Variants in HIVEP2 observed in about 807,000 individuals in gnomAD.
HIVEP2 encodes transcription factor HIVEP2.
HIVEP2 carries 14 observed loss-of-function variants against 180.7 expected under a neutral mutation model. The observed-to-expected ratio is 0.08, with a 90% CI of 0.05 to 0.12. The LOEUF (loss-of-function observed/expected upper bound fraction) is 0.12. Ranked by LOEUF, HIVEP2 falls within the 10% of genes least tolerant of loss-of-function variation. The pLI is 1.00. For synonymous variants in HIVEP2, 1,184 were observed against 1,136.4 expected (o/e 1.04, Z -0.84); for missense variants, 2,579 against 3,008.5 (o/e 0.86, Z 3.34).
In HIVEP2 at chr6:142,933,046, T is replaced by C. The variant is rs1473660442; in HGVS notation, c.-641+12053A>G. Among the ~76,000 whole-genome samples the C allele has an allele frequency of 2.0e-5, 3 of 152,114 alleles. No individual in the cohort carries two copies. The East Asian group carries it at 5.8e-4, about 29-fold the overall frequency. ...ATTGTATCACAATGAAAGGAAGAAG[T>C]AAAATTTCTCACAAAAAGCTCAACT... On this transcript the variant is annotated intron_variant, in intron 1 of 9. Transcript: ENST00000367603.
chr6:142,818,765 G>T (rs1475512231), intron 2 of HIVEP2, among the ~76,000 whole-genome samples: 1 of 119,372 alleles, frequency 8.4e-6, no homozygotes, highest in Non-Finnish European at 1.8e-5. Context: ...AAGAAAGAAA[G>T]AAAGAAAGAA....
intron 1 of HIVEP2, among the ~76,000 whole-genome samples, chr6:142,866,563 C>G (rs1056237308): frequency 6.6e-6 from 1 of 152,074 alleles, no homozygotes; most frequent in Non-Finnish European, 1.5e-5. Context: ...TGTCAAAGTG[C>G]CTACCTTTAA....
intron 1 of HIVEP2, among the ~76,000 whole-genome samples, chr6:142,865,312 T>A (rs1027044702): frequency 3.9e-5 from 6 of 152,110 alleles, no homozygotes; most frequent in Non-Finnish European, 7.3e-5. Flanking sequence ...TGCACATTAA[T>A]GCTGTCAGGA....
chr6:142,774,416 C>T lies in HIVEP2; in HGVS notation c.323G>A (p.Gly108Glu), dbSNP rs1057079776. ...LSFPQHSLPQ[G>E]VMHSTKPHQS... ...ATGTGGCTTGGTGCTGTGCATGACC[C>T]CCTGTGGCAATGAGTGCTGAGGGAA... The change falls in exon 5 of 10, where the codon GGG becomes GAG. Residue 108 changes from glycine (G) to glutamate (E), a missense_variant. Physicochemically the swap from Gly to Glu is moderately conservative, Grantham distance 98. Coordinates refer to ENST00000367603, the MANE Select transcript of HIVEP2 (RefSeq NM_006734.4). This position sits in a 1 kb window ranked among gnomAD's most constrained non-coding sequence, Gnocchi z 5.1. 1.2e-6 allele frequency: 2 copies of T among 1,614,166 alleles called. No individual in the cohort carries two copies. Among genetic ancestry groups the T allele is most frequent in the Non-Finnish European group, 8.5e-7 (1 of 1,180,032 alleles).
rs190814195 is a variant in HIVEP2 at position 142,883,610 on chromosome 6, C to T, written c.-640-46563G>A. 5.9e-5 allele frequency among the ~76,000 whole-genome samples: 9 copies of T among 152,186 alleles called. 1 individual carries two copies. The highest frequency in any genetic ancestry group is 5.8e-4 in the East Asian group (3 of 5,170). On this transcript the variant is annotated intron_variant, in intron 1 of 9. Coordinates refer to ENST00000367603, the MANE Select transcript of HIVEP2 (RefSeq NM_006734.4). ...TAGCTTCTAATAACATCCCTTACAA[C>T]GTAGGGCAAAGAACAGTAGCATCTG...
chr6:142,855,866 G>A (rs1775805250), intron 1 of HIVEP2, among the ~76,000 whole-genome samples: 1 of 151,274 alleles, frequency 6.6e-6, no homozygotes, highest in Admixed American at 6.6e-5. Flanking sequence ...CACTATGGTG[G>A]AGGCATATAT....
intron 2 of HIVEP2, among the ~76,000 whole-genome samples, chr6:142,827,297 C>A (rs1774931425): frequency 1.3e-5 from 2 of 152,020 alleles, no homozygotes; most frequent in South Asian, 4.2e-4. Context: ...TTCATCTTAA[C>A]AAAGCAATTT....
At chr6:142,830,266 A>G (rs923328730) in intron 2 of HIVEP2, among the ~76,000 whole-genome samples, 3 of 152,194 alleles carry the variant, frequency 2.0e-5, no homozygotes, top group Non-Finnish European at 4.4e-5. Context: ...ACATCAGAGA[A>G]AAAGAGAAGT....
intron 1 of HIVEP2, among the ~76,000 whole-genome samples, chr6:142,893,435 G>A (rs749673249): frequency 2.0e-5 from 3 of 152,088 alleles, no homozygotes; most frequent in Non-Finnish European, 4.4e-5. Flanking sequence ...GAAAAATCAC[G>A]TAACAGCTAA....
rs531594604 is a variant in HIVEP2 at position 142,843,790 on chromosome 6, C to A, written c.-640-6743G>T. Reference sequence around the variant, plus strand: ...TGCAAATTTTCTCCATTGGCAGCAGCAATAGTGTTATGAATGACATTTTAG... The same window carrying A: ...TGCAAATTTTCTCCATTGGCAGCAGAAATAGTGTTATGAATGACATTTTAG... On this transcript the variant is annotated intron_variant, in intron 1 of 9. Transcript: ENST00000367603. Among the ~76,000 whole-genome samples, 6 of 152,178 alleles carry A rather than the reference C, an allele frequency of 3.9e-5. No homozygotes were observed. The East Asian group carries it at 5.8e-4, about 15-fold the overall frequency.
At chr6:142,784,265 AAAT>A (rs1421626233) in intron 2 of HIVEP2, among the ~76,000 whole-genome samples, 1 of 152,216 alleles carries the variant, frequency 6.6e-6, no homozygotes, top group African/African-American at 2.4e-5. Flanking sequence ...ACCTACTTAA[AAAT>A]AATATTATAA....
intron 2 of HIVEP2, among the ~76,000 whole-genome samples, chr6:142,811,270 A>G (rs1776691555): frequency 6.6e-6 from 1 of 152,156 alleles, no homozygotes; most frequent in Non-Finnish European, 1.5e-5. Context: ...CCATGGAATG[A>G]CCTCAGAGCA....
chr6:142,798,733 A>C (rs1776337515), intron 2 of HIVEP2, among the ~76,000 whole-genome samples: 1 of 152,176 alleles, frequency 6.6e-6, no homozygotes, highest in African/African-American at 2.4e-5. Flanking sequence ...ACTGAGTCCC[A>C]ATTCTAATGC....
At chr6:142,912,348 C>G (rs1211668147) in intron 1 of HIVEP2, among the ~76,000 whole-genome samples, 1 of 152,130 alleles carries the variant, frequency 6.6e-6, no homozygotes, top group Non-Finnish European at 1.5e-5. Context: ...TAACAGTGAT[C>G]GAACTTTTGT....
rs267600844 is a variant in HIVEP2 at position 142,753,842 on chromosome 6, G to A, written c.6606C>T (p.Phe2202=). The part of the protein sequence containing the change: ...GAYEHPGSSL[F]PEGPNDYVFS... ...AGACATAGTCATTAGGACCCTCAGGGAAAAGGCTGGAGCCTGGATGTTCAT... is the reference window on the plus strand; with the variant it reads ...AGACATAGTCATTAGGACCCTCAGGAAAAAGGCTGGAGCCTGGATGTTCAT... The change falls in exon 10 of 10, where the codon TTC becomes TTT. Residue 2202 remains phenylalanine (F), a synonymous_variant. Coordinates refer to ENST00000367603, the MANE Select transcript of HIVEP2 (RefSeq NM_006734.4). 3.7e-6 allele frequency: 6 copies of A among 1,613,832 alleles called. No individual in the cohort carries two copies. The South Asian group carries it at 5.5e-5, about 15-fold the overall frequency.
intron 1 of HIVEP2, among the ~76,000 whole-genome samples, chr6:142,924,678 T>G (rs1410367626): frequency 2.6e-5 from 4 of 152,230 alleles, no homozygotes; most frequent in Non-Finnish European, 4.4e-5. Flanking sequence ...AAAGTAGATA[T>G]ATTTGTAATT....
Position 142,769,937 on chromosome 6 carries a change from T to C in HIVEP2, c.4802A>G (p.His1601Arg). The C allele has an allele frequency of 3.7e-6, 6 of 1,614,084 alleles. No individual in the cohort carries two copies. The highest frequency in any genetic ancestry group is 5.1e-6 in the Non-Finnish European group (6 of 1,180,036). ...GACCAGCATGCCAACAGGCCGCTTG[T>C]GGCCCTTCCCTTCCTCTTCCAGCTG... ...DGQLEEEGKG[H>R]KRPVGMLVRM... The change falls in exon 5 of 10, where the codon CAC (histidine) becomes CGC (arginine). Residue 1601 changes from histidine (H) to arginine (R), a missense_variant. Coordinates refer to ENST00000367603, the MANE Select transcript of HIVEP2 (RefSeq NM_006734.4).
chr6:142,857,005 A>G (rs1057182434), intron 1 of HIVEP2, among the ~76,000 whole-genome samples: 39 of 152,196 alleles, frequency 2.6e-4, no homozygotes, highest in African/African-American at 8.4e-4. Context: ...GTGTTGCCCA[A>G]ATGGTCTCCT....
At chr6:142,901,877 G>A (rs934917280) in intron 1 of HIVEP2, among the ~76,000 whole-genome samples, 3 of 152,250 alleles carry the variant, frequency 2.0e-5, no homozygotes, top group African/African-American at 4.8e-5. Context: ...GCAAACATGC[G>A]GAGGAGGAAG....
Sources: allele counts gnomAD v4.1 joint callset (sites outside exome capture counted in the v4.1 genomes callset), GRCh38; gene constraint gnomAD v4.1.1; non-coding constraint Gnocchi (gnomAD v3.1); transcripts MANE v1.5; gene names NCBI Gene and HGNC (gene_info 2026-07-23, HGNC 2026-07-21).